EIPR1: variants seen among roughly 807,000 people sequenced by gnomAD.
The protein encoded by EIPR1 is EARP complex and GARP complex interacting protein 1.
In EIPR1, 25 loss-of-function variants were observed where a neutral mutation model predicts 48.1. That is an observed-to-expected ratio of 0.52 (90% CI 0.38 to 0.73). The LOEUF (loss-of-function observed/expected upper bound fraction) is 0.73. EIPR1 is among the 30% of genes least tolerant of loss of function. The pLI is 0.00. For missense variants in EIPR1, 415 were observed against 506.2 expected, an observed-to-expected ratio of 0.82 and a Z score of 1.73; for synonymous variants, 204 against 201.9, an observed-to-expected ratio of 1.01 and a Z score of -0.09.
chr2:3,217,414 T>G (rs947629640), intron 4 of EIPR1, among the ~76,000 whole-genome samples: 5 of 152,216 alleles, frequency 3.3e-5, no homozygotes, highest in Admixed American at 3.3e-4. Flanking sequence ...TCTAAATGTT[T>G]TAAGTTTGAT....
chr2:3,304,468 A>C, intron 3 of EIPR1, among the ~76,000 whole-genome samples: 5 of 102,240 alleles, frequency 4.9e-5, no homozygotes, highest in Admixed American at 1.0e-4. Context: ...TCAGCCCTCC[A>C]CTCCCGTCCA....
intron 4 of EIPR1, among the ~76,000 whole-genome samples, chr2:3,240,311 C>CTT (rs1666564087): frequency 7.8e-6 from 1 of 128,404 alleles, no homozygotes; most frequent in African/African-American, 2.8e-5. Context: ...GCGAGCAGGT[C>CTT]CCTCCTAAAG....
chr2:3,305,773 C>T (rs1668924147), intron 3 of EIPR1, among the ~76,000 whole-genome samples: 1 of 152,210 alleles, frequency 6.6e-6, no homozygotes, highest in African/African-American at 2.4e-5. Flanking sequence ...CAACTCACCC[C>T]TTTCATTTAT....
At chr2:3,348,892 G>A (rs113489174) in intron 2 of EIPR1, among the ~76,000 whole-genome samples, 1 of 152,302 alleles carries the variant, frequency 6.6e-6, no homozygotes, top group African/African-American at 2.4e-5. Flanking sequence ...GCAGGGGCAG[G>A]GCTGCAGTCC....
At chr2:3,251,069 A>T (rs1004629849) in intron 4 of EIPR1, among the ~76,000 whole-genome samples, 1 of 152,248 alleles carries the variant, frequency 6.6e-6, no homozygotes, top group Non-Finnish European at 1.5e-5. Flanking sequence ...TAGTTAAAAC[A>T]TTACACTAGA....
chr2:3,275,220 C>T (rs1007623138), intron 3 of EIPR1, among the ~76,000 whole-genome samples: 1 of 149,866 alleles, frequency 6.7e-6, no homozygotes, highest in African/African-American at 2.5e-5. Context: ...AAACACCACA[C>T]CAAGCAACAA....
intron 4 of EIPR1, among the ~76,000 whole-genome samples, chr2:3,221,861 G>A (rs1464549927): frequency 6.6e-6 from 1 of 152,220 alleles, no homozygotes; most frequent in African/African-American, 2.4e-5. Flanking sequence ...CATTTATAGA[G>A]TCAGGTGCAC....
chr2:3,283,311 G>A (rs531716542), intron 3 of EIPR1, among the ~76,000 whole-genome samples: 2 of 152,162 alleles, frequency 1.3e-5, no homozygotes, highest in African/African-American at 2.4e-5. Flanking sequence ...GCACTGGTCC[G>A]AGCAGCCAAG....
intron 5 of EIPR1, among the ~76,000 whole-genome samples, chr2:3,201,785 G>A (rs1665044051): frequency 6.6e-6 from 1 of 152,226 alleles, no homozygotes; most frequent in South Asian, 2.1e-4. Flanking sequence ...GTTTCCTAAA[G>A]AGAAGAATTG....
At chr2:3,359,110 T>C (rs1481888437) in intron 1 of EIPR1, among the ~76,000 whole-genome samples, 3 of 152,184 alleles carry the variant, frequency 2.0e-5, no homozygotes, top group African/African-American at 7.2e-5. Flanking sequence ...AAAGACAAGA[T>C]GATAGACGAT....
At chr2:3,314,718 G>A (rs908504310) in intron 3 of EIPR1, among the ~76,000 whole-genome samples, 2 of 151,774 alleles carry the variant, frequency 1.3e-5, no homozygotes, top group Admixed American at 6.6e-5. Flanking sequence ...CTGGTTCTAG[G>A]CTCCGATGCC....
chr2:3,202,770 A>G (rs946773591), intron 5 of EIPR1, among the ~76,000 whole-genome samples: 3 of 152,228 alleles, frequency 2.0e-5, no homozygotes, highest in Non-Finnish European at 4.4e-5. Context: ...AGCAAAATGG[A>G]GCACCGCTTG....
intron 1 of EIPR1, among the ~76,000 whole-genome samples, chr2:3,370,257 C>T (rs1188539964): frequency 6.6e-6 from 1 of 152,072 alleles, no homozygotes; most frequent in Non-Finnish European, 1.5e-5. Context: ...TCATCAAAGA[C>T]CAAAAGTAGA....
chr2:3,323,277 C>A (rs966294393), intron 3 of EIPR1, among the ~76,000 whole-genome samples: 1 of 152,198 alleles, frequency 6.6e-6, no homozygotes, highest in Admixed American at 6.5e-5. Flanking sequence ...GTGGTCCCCC[C>A]AGCCAGGAAC....
intron 3 of EIPR1, among the ~76,000 whole-genome samples, chr2:3,281,220 C>T (rs1295007218): frequency 6.6e-6 from 1 of 151,952 alleles, no homozygotes; most frequent in African/African-American, 2.4e-5. Context: ...AGTCAGATTT[C>T]TCTTCTTGGC....
At chr2:3,347,038 G>A (rs1670421753) in intron 2 of EIPR1, among the ~76,000 whole-genome samples, 1 of 152,122 alleles carries the variant, frequency 6.6e-6, no homozygotes, top group East Asian at 1.9e-4. Context: ...ATTGAAGCAT[G>A]TGGCACTCCC....
chr2:3,319,714 C>G, intron 3 of EIPR1: 1 of 177,074 alleles, frequency 5.6e-6, no homozygotes, highest in Non-Finnish European at 1.2e-5. Context: ...CAGGCAACAC[C>G]ACCCCTGCAG....
chr2:3,206,425 A>T (rs896930), intron 5 of EIPR1, among the ~76,000 whole-genome samples: 5 of 152,196 alleles, frequency 3.3e-5, no homozygotes, highest in Non-Finnish European at 5.9e-5. Context: ...GAAGTCTGAG[A>T]TGCACAGAGC....
Position 3,327,395 on chromosome 2 carries a change from G to A in EIPR1, c.259+10622C>T, listed in dbSNP as rs186533908. Among the ~76,000 whole-genome samples the A allele has an allele frequency of 1.2e-3, 186 of 152,306 alleles. 1 individual carries two copies. The highest frequency in any genetic ancestry group is 4.5e-3 in the African/African-American group (185 of 41,564). Reference sequence around the variant, plus strand: ...GATGGGGTTTCACCATGTTGGCCAGGCTTGTCTCGAGCTCCTGACCTCAAG... The same window carrying A: ...GATGGGGTTTCACCATGTTGGCCAGACTTGTCTCGAGCTCCTGACCTCAAG... On this transcript the variant is annotated intron_variant, in intron 3 of 8. Transcript: ENST00000382125.
Sources: gnomAD v4.1 joint callset for allele counts (sites outside exome capture counted in the v4.1 genomes callset) on GRCh38, gnomAD v4.1.1 for gene constraint, MANE v1.5 for transcripts, NCBI Gene and HGNC (gene_info 2026-07-23, HGNC 2026-07-21) for gene names.